ANO4: variants seen among roughly 807,000 people sequenced by gnomAD.
ANO4 encodes anoctamin 4.
ANO4 carries 69 observed loss-of-function variants against 141.9 expected under a neutral mutation model. The ratio of observed to expected loss-of-function variants is 0.49; its 90% CI spans 0.40 to 0.59. The LOEUF (loss-of-function observed/expected upper bound fraction) is 0.59. ANO4 is among the 20% of genes least tolerant of loss of function. The pLI is 0.00. For missense variants in ANO4, 894 were observed against 1,162.2 expected, an observed-to-expected ratio of 0.77 and a Z score of 3.36; for synonymous variants, 350 against 394.3, an observed-to-expected ratio of 0.89 and a Z score of 1.33.
intron 3 of ANO4, among the ~76,000 whole-genome samples, chr12:100,781,851 CAG>C (rs529114809): frequency 3.9e-5 from 6 of 152,316 alleles, no homozygotes; most frequent in Admixed American, 3.3e-4. Flanking sequence ...AACTGTCTAT[CAG>C]AGCTTCTTAT....
intron 1 of ANO4, among the ~76,000 whole-genome samples, chr12:100,815,609 A>G (rs1044977822): frequency 1.6e-4 from 25 of 152,138 alleles, no homozygotes; most frequent in African/African-American, 5.8e-4. Flanking sequence ...ATACTTTGAA[A>G]GTGTGTGAAA....
intron 14 of ANO4, chr12:101,068,953 T>G: frequency 1.3e-6 from 1 of 786,130 alleles, no homozygotes; most frequent in South Asian, 1.3e-5. Context: ...CTTACACAGA[T>G]GCACCAAAGC....
At chr12:100,963,599 C>G (rs1381167488) in intron 5 of ANO4, among the ~76,000 whole-genome samples, 1 of 151,852 alleles carries the variant, frequency 6.6e-6, no homozygotes, top group Non-Finnish European at 1.5e-5. Context: ...CCAATGTGTC[C>G]CTAAGGGAAA....
At chr12:100,939,485 G>A (rs752061896) in intron 4 of ANO4, 34 bp downstream of exon 4, 17 of 1,606,340 alleles carry the variant, frequency 1.1e-5, no homozygotes, top group African/African-American at 2.7e-5. Context: ...AATGTAATTC[G>A]TGATCCAGGC....
At chr12:100,752,509 C>G (rs77359507) in intron 3 of ANO4, among the ~76,000 whole-genome samples, 162 of 152,146 alleles carry the variant, frequency 1.1e-3, no homozygotes, top group Middle Eastern at 3.4e-3. Flanking sequence ...TCACTGCTTA[C>G]GAAGGAATTG....
At chr12:101,044,510 C>T (rs1408853377) in intron 13 of ANO4, among the ~76,000 whole-genome samples, 1 of 152,202 alleles carries the variant, frequency 6.6e-6, no homozygotes, top group African/African-American at 2.4e-5. Flanking sequence ...GAGCTACTGC[C>T]TTTTGGCTTG....
intron 8 of ANO4, among the ~76,000 whole-genome samples, chr12:101,000,711 G>A (rs1426896226): frequency 6.6e-6 from 1 of 152,128 alleles, no homozygotes; most frequent in Non-Finnish European, 1.5e-5. Flanking sequence ...CTTGAGATTT[G>A]TGCTTCTCAA....
chr12:100,797,144 A>G (rs7973087), intron 1 of ANO4, among the ~76,000 whole-genome samples: 24 of 151,592 alleles, frequency 1.6e-4, no homozygotes, highest in African/African-American at 5.8e-4. Context: ...ATATATATAT[A>G]TACACACATA....
intron 2 of ANO4, among the ~76,000 whole-genome samples, chr12:100,919,722 A>ATGTGTGTG (rs1285242310): frequency 2.3e-5 from 3 of 130,264 alleles, no homozygotes; most frequent in South Asian, 2.7e-4. Flanking sequence ...GTATGTATGT[A>ATGTGTGTG]TGTGTGTATG....
At chr12:101,051,102 G>A (rs2047849812) in intron 14 of ANO4, among the ~76,000 whole-genome samples, 1 of 152,204 alleles carries the variant, frequency 6.6e-6, no homozygotes, top group Non-Finnish European at 1.5e-5. Context: ...TCATAAGGCA[G>A]AGGTTATTAC....
chr12:100,945,412 A>G (rs1488711196), intron 5 of ANO4, among the ~76,000 whole-genome samples: 1 of 152,222 alleles, frequency 6.6e-6, no homozygotes, highest in East Asian at 1.9e-4. Context: ...CAACTTTCAT[A>G]ATAGCCCAGA....
At chr12:101,048,114 A>T (rs1333168465) in intron 13 of ANO4, 4 of 1,123,828 alleles carry the variant, frequency 3.6e-6, no homozygotes, top group Non-Finnish European at 4.7e-6. Flanking sequence ...GTTCAACTAG[A>T]TGATAACCAC....
chr12:101,108,135 A>G (rs781321398), intron 22 of ANO4, among the ~76,000 whole-genome samples: 4 of 152,176 alleles, frequency 2.6e-5, no homozygotes, highest in Non-Finnish European at 5.9e-5. Flanking sequence ...GGTTAGCGAT[A>G]GAGAATTGAG....
intron 8 of ANO4, among the ~76,000 whole-genome samples, chr12:101,017,535 G>T (rs867496648): frequency 6.7e-6 from 1 of 149,574 alleles, no homozygotes; most frequent in Non-Finnish European, 1.5e-5. Context: ...ATAAAAACCT[G>T]GAAACAAGAG....
intron 14 of ANO4, among the ~76,000 whole-genome samples, chr12:101,071,864 A>T (rs550379734): frequency 1.3e-5 from 2 of 152,268 alleles, no homozygotes; most frequent in East Asian, 1.9e-4. Context: ...AAATTAAATT[A>T]AAAAAGGTAC....
intron 22 of ANO4, among the ~76,000 whole-genome samples, chr12:101,101,157 T>C (rs2136966492): frequency 6.6e-6 from 1 of 152,314 alleles, no homozygotes; most frequent in South Asian, 2.1e-4. Flanking sequence ...TAGAATATTA[T>C]CAATATCAAA....
At chr12:101,125,390 C>T (rs2051268002) in intron 26 of ANO4, among the ~76,000 whole-genome samples, 1 of 152,056 alleles carries the variant, frequency 6.6e-6, no homozygotes, top group African/African-American at 2.4e-5. Context: ...ATTTTCTAGA[C>T]ACGGGATCAG....
intron 1 of ANO4, among the ~76,000 whole-genome samples, chr12:100,732,899 GC>G (rs574919591): frequency 2.0e-5 from 3 of 152,056 alleles, no homozygotes; most frequent in East Asian, 3.8e-4. Context: ...GATTTCTTTT[GC>G]CCCCCTCTGC....
intron 9 of ANO4, among the ~76,000 whole-genome samples, chr12:101,032,982 G>C (rs1213905651): frequency 3.3e-5 from 5 of 152,164 alleles, no homozygotes; most frequent in East Asian, 3.9e-4. Flanking sequence ...ATACCCAAAG[G>C]ACTATAAATC....
Sources: allele counts gnomAD v4.1 joint callset (sites outside exome capture counted in the v4.1 genomes callset), GRCh38; gene constraint gnomAD v4.1.1; transcripts MANE v1.5; gene names NCBI Gene and HGNC (gene_info 2026-07-23, HGNC 2026-07-21).